The following EPHX4 variants were observed in gnomAD, a reference collection of about 807,000 sequenced individuals.
EPHX4 encodes abhydrolase domain containing 7.
In EPHX4, 31 loss-of-function variants were observed where a neutral mutation model predicts 44.9. The ratio of observed to expected loss-of-function variants is 0.69; its 90% CI spans 0.52 to 0.93. The LOEUF is 0.93. Ranked by LOEUF, EPHX4 falls within the 40% of genes least tolerant of loss-of-function variation. The pLI is 0.00. For missense variants in EPHX4, 373 were observed against 438.1 expected (o/e 0.85, Z 1.33); for synonymous variants, 151 against 159.7 (o/e 0.95, Z 0.41).
chr1:92,034,248 CG>C (rs1688404001), intron 2 of EPHX4, among the ~76,000 whole-genome samples: 1 of 143,018 alleles, frequency 7.0e-6, no homozygotes, highest in Non-Finnish European at 1.5e-5. Flanking sequence ...TGCAGTGAGC[CG>C]AGCTCGTGCC....
At chr1:92,052,377 T>C (rs1472299777) in intron 5 of EPHX4, 133 bp from the exon 6 acceptor site, 2 of 774,702 alleles carry the variant, frequency 2.6e-6, no homozygotes, top group Admixed American at 6.0e-5. Flanking sequence ...AACAATGAGA[T>C]CTCAAACTTG....
At chr1:92,046,821 TA>T (rs1688589321) in intron 4 of EPHX4, among the ~76,000 whole-genome samples, 1 of 152,362 alleles carries the variant, frequency 6.6e-6, no homozygotes, top group South Asian at 2.1e-4. Flanking sequence ...TTTTTAATAC[TA>T]TACTCTATTA....
In EPHX4 at chr1:92,037,877, A is replaced by C. The variant is rs570930722; in HGVS notation, c.318-4946A>C. On this transcript the variant is annotated intron_variant, in intron 2 of 6. Coordinates refer to ENST00000370383, the MANE Select transcript of EPHX4 (RefSeq NM_173567.5). The stretch of plus-strand genomic sequence containing the variant: ...TCTTTTTAGGGTTACTGCTTTTGTA[A>C]TGTGTTTCATTCCTGTATCAAGGAG... Among the ~76,000 whole-genome samples the C allele has an allele frequency of 3.3e-5, 5 of 152,296 alleles. No homozygotes were observed. The South Asian group carries it at 1.0e-3, about 32-fold the overall frequency.
intron 3 of EPHX4, among the ~76,000 whole-genome samples, chr1:92,044,679 CAG>C (rs1199677567): frequency 6.6e-6 from 1 of 152,072 alleles, no homozygotes; most frequent in Non-Finnish European, 1.5e-5. Flanking sequence ...AAATTAGTGA[CAG>C]ATTTTCTGTG....
intron 6 of EPHX4, among the ~76,000 whole-genome samples, chr1:92,056,620 C>T (rs1427466938): frequency 6.7e-6 from 1 of 149,998 alleles, no homozygotes; most frequent in South Asian, 2.1e-4. Flanking sequence ...CTGCACATAA[C>T]AATTAGAAAA....
intron 6 of EPHX4, among the ~76,000 whole-genome samples, chr1:92,057,725 G>A (rs1179004599): frequency 6.6e-6 from 1 of 151,748 alleles, no homozygotes; most frequent in East Asian, 1.9e-4. Flanking sequence ...TCAGCCTCCC[G>A]AGTACCTTGG....
In EPHX4 at chr1:92,053,041, A is replaced by G. The variant is rs115940050; in HGVS notation, c.857+383A>G. On this transcript the variant is annotated intron_variant, in intron 6 of 6. Coordinates refer to ENST00000370383, the MANE Select transcript of EPHX4 (RefSeq NM_173567.5). ...AGAACATAGTAATAAGCAAAACTAGATAAGGTCTCTGATCTCACAAAACTT... is the reference window on the plus strand; with the variant it reads ...AGAACATAGTAATAAGCAAAACTAGGTAAGGTCTCTGATCTCACAAAACTT... 4.0e-3 allele frequency among the ~76,000 whole-genome samples: 602 copies of G among 152,330 alleles called. 2 individuals are homozygous for G. The highest frequency in any genetic ancestry group is 0.02 in the Middle Eastern group (6 of 294).
At position 92,038,401 on chromosome 1, in the gene EPHX4, A is replaced by G. The variant is rs144144938; in HGVS notation, c.318-4422A>G. Among the ~76,000 whole-genome samples, 3 of 152,368 alleles carry G rather than the reference A, an allele frequency of 2.0e-5. No homozygotes were observed. The East Asian group carries it at 5.8e-4, about 29-fold the overall frequency. On this transcript the variant is annotated intron_variant, in intron 2 of 6. Coordinates refer to ENST00000370383, the MANE Select transcript of EPHX4 (RefSeq NM_173567.5). Reference sequence around the variant, plus strand: ...TTGTCTCAAGGTTTGAACTGGGACAAAAGTCCTACTGCACAACTGGTACTT... The same window carrying G: ...TTGTCTCAAGGTTTGAACTGGGACAGAAGTCCTACTGCACAACTGGTACTT...
chr1:92,061,134 C>T (rs912975222), intron 6 of EPHX4, among the ~76,000 whole-genome samples: 1 of 152,154 alleles, frequency 6.6e-6, no homozygotes, highest in Non-Finnish European at 1.5e-5. Flanking sequence ...CCCACCTTGG[C>T]CTCCCTAAGT....
chr1:92,047,080 C>T (rs965712678), intron 4 of EPHX4, among the ~76,000 whole-genome samples: 3 of 152,298 alleles, frequency 2.0e-5, no homozygotes, highest in African/African-American at 7.2e-5. Flanking sequence ...TTCTAAGGTT[C>T]ATTTGAAAGT....
chr1:92,033,815 C>T (rs1426299388), intron 2 of EPHX4, among the ~76,000 whole-genome samples: 1 of 151,894 alleles, frequency 6.6e-6, no homozygotes, highest in Non-Finnish European at 1.5e-5. Flanking sequence ...CTGGTGACAT[C>T]CATGTCTGTG....
chr1:92,059,343 A>G (rs1479261625), intron 6 of EPHX4, among the ~76,000 whole-genome samples: 1 of 152,156 alleles, frequency 6.6e-6, no homozygotes, highest in Admixed American at 6.5e-5. Context: ...AGGTCGAGGC[A>G]TGAGAATCGC....
chr1:92,051,508 C>T (rs982848847), intron 5 of EPHX4, among the ~76,000 whole-genome samples: 2 of 151,742 alleles, frequency 1.3e-5, no homozygotes, highest in Non-Finnish European at 2.9e-5. Flanking sequence ...GAGGAAAGAT[C>T]CATATTTTGG....
chr1:92,047,293 CA>C (rs1169834885), intron 4 of EPHX4, among the ~76,000 whole-genome samples: 1 of 151,806 alleles, frequency 6.6e-6, no homozygotes, highest in African/African-American at 2.4e-5. Context: ...CCTGTAGTCC[CA>C]GCTACCTGGG....
chr1:92,062,204 A>T (rs1557887691), intron 6 of EPHX4, among the ~76,000 whole-genome samples: 1 of 152,192 alleles, frequency 6.6e-6, no homozygotes. Context: ...ATCTAGGAAC[A>T]ATTTAAAATA....
At chr1:92,045,786 G>T (rs987395013) in intron 4 of EPHX4, 126 bp downstream of exon 4, 2 of 1,020,254 alleles carry the variant, frequency 2.0e-6, no homozygotes, top group Non-Finnish European at 2.9e-6. Context: ...ACTAAACCAT[G>T]ATAGCACATG....
chr1:92,043,117 T>C, intron 3 of EPHX4, 137 bp downstream of exon 3: 1 of 649,072 alleles, frequency 1.5e-6, no homozygotes, highest in Non-Finnish European at 2.5e-6. Flanking sequence ...TGGTTTCAGT[T>C]AGTCAGCCCA....
chr1:92,029,988 CG>C lies in EPHX4; in HGVS notation c.-91del. 1.2e-6 allele frequency: 1 copy of C among 838,962 alleles called. No homozygotes were observed. The allele number at this position is 838,962 out of a possible 1,614,324, so 52.0% of individuals were successfully genotyped here. On this transcript the variant is annotated 5_prime_UTR_variant, in exon 1 of 7. Coordinates refer to ENST00000370383, the MANE Select transcript of EPHX4 (RefSeq NM_173567.5). Reference sequence around the variant, plus strand: ...GCCGCCCCGGGCCGGGGGAGGCGCGCGTCGAGAGGCGACGGCGGGCTGGCCT... The same window carrying C: ...GCCGCCCCGGGCCGGGGGAGGCGCGCTCGAGAGGCGACGGCGGGCTGGCCT...
chr1:92,050,053 C>T lies in EPHX4; in HGVS notation c.605-264C>T, dbSNP rs137950572. ...GGCAGAGGTTATAGTGAGCTGAGAT[C>T]GCGCCATTGCACTCCAGCCTGGGCA... is the stretch of plus-strand genomic sequence containing the variant. On this transcript the variant is annotated intron_variant, in intron 4 of 6. Transcript: ENST00000370383. Among the ~76,000 whole-genome samples, 469 of 151,854 alleles carry T rather than the reference C, an allele frequency of 3.1e-3. 3 individuals carry two copies. The highest frequency in any genetic ancestry group is 0.011 in the African/African-American group (453 of 41,388).
Sources: gnomAD v4.1 joint callset for allele counts (sites outside exome capture counted in the v4.1 genomes callset) on GRCh38, gnomAD v4.1.1 for gene constraint, MANE v1.5 for transcripts, NCBI Gene and HGNC (gene_info 2026-07-23, HGNC 2026-07-21) for gene names.